Variants in IP6K3 observed in about 807,000 individuals in gnomAD.
The protein encoded by IP6K3 is ATP:1D-myo-inositol-hexakisphosphate phosphotransferase.
A neutral mutation model predicts 28.8 loss-of-function variants in IP6K3; 20 were observed. That is an observed-to-expected ratio of 0.70 (90% CI 0.49 to 1.01). The LOEUF (loss-of-function observed/expected upper bound fraction) is 1.01, where lower values mean the gene tolerates loss of function less well. IP6K3 is among the 50% of genes least tolerant of loss of function. IP6K3 has a pLI of 0.00. For missense variants in IP6K3, 480 were observed against 537.1 expected, an observed-to-expected ratio of 0.89 and a Z score of 1.05; for synonymous variants, 213 against 221.3, an observed-to-expected ratio of 0.96 and a Z score of 0.33.
At chr6:33,760,570 C>T in the IP6K3 span, among the ~76,000 whole-genome samples, 1 of 152,178 alleles carries the variant, frequency 6.6e-6, no homozygotes, top group Non-Finnish European at 1.5e-5. Flanking sequence ...GCTCTGTTGC[C>T]AGGCTGGAGA....
Position 33,722,774 on chromosome 6 carries a change from A to AAT in IP6K3, c.1177_1178dup (p.Gly395LeufsTer30). On this transcript the variant is annotated frameshift_variant, in exon 6 of 6. Transcript: ENST00000293756. LOFTEE classifies it high-confidence loss of function. ...TCCTGATGAGGTTTTCCAGGCCAAA[A>AAT]ATATAGCCAGGGTCTGGTCCATCGT... 1.2e-6 allele frequency: 2 copies of AAT among 1,613,792 alleles called. No individual in the cohort carries two copies. The highest frequency in any genetic ancestry group is 1.7e-6 in the Non-Finnish European group (2 of 1,179,922).
At chr6:33,750,324 G>A (rs1027685760), upstream of IP6K3, among the ~76,000 whole-genome samples, 2 of 152,142 alleles carry the variant, frequency 1.3e-5, no homozygotes, top group East Asian at 3.9e-4. This position sits in a 1 kb window ranked among gnomAD's most constrained non-coding sequence, Gnocchi z 4.3. Flanking sequence ...ATACTCTTCA[G>A]TGGCTCCATC....
chr6:33,755,517 G>A, the IP6K3 span, among the ~76,000 whole-genome samples: 40 of 152,260 alleles, frequency 2.6e-4, no homozygotes, highest in Non-Finnish European at 5.1e-4. Flanking sequence ...AAGGTGGCCA[G>A]AGAGCAAATA....
the IP6K3 span, among the ~76,000 whole-genome samples, chr6:33,756,485 T>C: frequency 6.6e-6 from 1 of 152,018 alleles, no homozygotes; most frequent in Admixed American, 6.5e-5. Context: ...TGTGTGTGTG[T>C]GTGTGAGAGA....
intron 2 of IP6K3, among the ~76,000 whole-genome samples, chr6:33,734,438 G>A (rs562198301): frequency 6.6e-6 from 1 of 152,276 alleles, no homozygotes; most frequent in African/African-American, 2.4e-5. Flanking sequence ...TGACTTATTT[G>A]GATATTATTG....
chr6:33,753,835 G>T, the IP6K3 span, among the ~76,000 whole-genome samples: 1 of 151,788 alleles, frequency 6.6e-6, no homozygotes, highest in South Asian at 2.1e-4. Flanking sequence ...TTGAGACAGA[G>T]TCTCGCTGTG....
chr6:33,749,431 A>G (rs1766990713), upstream of IP6K3, among the ~76,000 whole-genome samples: 1 of 151,810 alleles, frequency 6.6e-6, no homozygotes, highest in Non-Finnish European at 1.5e-5. Context: ...TTCCAACTTC[A>G]GCCAATTTCT....
intron 3 of IP6K3, chr6:33,727,847 A>T: frequency 2.0e-6 from 2 of 985,412 alleles, no homozygotes; most frequent in Non-Finnish European, 2.4e-6. Flanking sequence ...TCAGTAGACA[A>T]CTCTGCCTGT....
At position 33,728,116 on chromosome 6, in the gene IP6K3, A is replaced by C; in HGVS notation, c.384T>G (p.His128Gln). 1.2e-6 allele frequency: 2 copies of C among 1,607,254 alleles called. No homozygotes were observed. The highest frequency in any genetic ancestry group is 1.7e-6 in the Non-Finnish European group (2 of 1,179,906). ...CCTTGGGTGAGCGTGCCAGCTGGGC[A>C]TGCGGCCACTGGGCAAGGGTGCAGT... Reference protein sequence around the residue: ...GSDCTLAQWPHAQLARSPKES... With the variant: ...GSDCTLAQWPQAQLARSPKES... Residue 128 changes from histidine to glutamine, a missense_variant, in exon 3 of 6, where the codon CAT (histidine) becomes CAG (glutamine). By Grantham distance (24) the His-to-Gln change is conservative. Coordinates refer to ENST00000293756, the MANE Select transcript of IP6K3 (RefSeq NM_054111.5).
At position 33,746,406 on chromosome 6, in the gene IP6K3, C is replaced by G. The variant is rs566655467; in HGVS notation, c.-180+352G>C. Among the ~76,000 whole-genome samples the G allele has an allele frequency of 2.3e-3, 344 of 152,306 alleles. No individual in the cohort carries two copies. Among genetic ancestry groups the G allele is most frequent in the African/African-American group, 7.9e-3 (328 of 41,556 alleles). Reference sequence around the variant, plus strand: ...AGCCCCCGGTACTTGCCCCTCCCCCCAGCTTCCTCTGTAGTCCCAGTCCAC... The same window carrying G: ...AGCCCCCGGTACTTGCCCCTCCCCCGAGCTTCCTCTGTAGTCCCAGTCCAC... On this transcript the variant is annotated intron_variant, in intron 1 of 5. Coordinates refer to ENST00000293756, the MANE Select transcript of IP6K3 (RefSeq NM_054111.5). The surrounding 1 kb of genome is among the most constrained non-coding windows in gnomAD (Gnocchi z 6.5).
intron 4 of IP6K3, 131 bp downstream of exon 4, chr6:33,726,600 C>G: frequency 1.1e-6 from 1 of 932,832 alleles, no homozygotes; most frequent in Non-Finnish European, 1.6e-6. Flanking sequence ...AGCTATCCCT[C>G]ACATCTGTCT....
In IP6K3 at chr6:33,722,115, C is replaced by CT. The variant is rs1217479846; in HGVS notation, c.*604dup. On this transcript the variant is annotated 3_prime_UTR_variant, in exon 6 of 6. Coordinates refer to ENST00000293756, the MANE Select transcript of IP6K3 (RefSeq NM_054111.5). ...CAGGCAAAAATGGAGAATCTGGGGT[C>CT]TTGCTTTGCCAGAGCTCATGCCTGG... 2.0e-5 allele frequency: 3 copies of CT among 152,202 alleles called. No individual in the cohort carries two copies. Among genetic ancestry groups the CT allele is most frequent in the African/African-American group, 7.2e-5 (3 of 41,438 alleles). 9.4% of individuals were successfully genotyped at this position (152,202 alleles called of 1,614,324 possible). A position where few individuals can be genotyped will look rare whatever the true frequency, so the allele number is the denominator to read the frequency against.
chr6:33,751,981 C>T, the IP6K3 span, among the ~76,000 whole-genome samples: 1 of 152,208 alleles, frequency 6.6e-6, no homozygotes, highest in African/African-American at 2.4e-5. This position sits in a 1 kb window ranked among gnomAD's most constrained non-coding sequence, Gnocchi z 4.3. Flanking sequence ...CATTCATCCA[C>T]ATCCCCCCAG....
At position 33,725,566 on chromosome 6, in the gene IP6K3, G is replaced by T; in HGVS notation, c.640C>A (p.Leu214Met). The T allele has an allele frequency of 6.2e-7, 1 of 1,614,166 alleles. No individual in the cohort carries two copies. Among genetic ancestry groups the T allele is most frequent in the Non-Finnish European group, 8.5e-7 (1 of 1,180,034 alleles). ...TGCCGGGTCCCCATCTTCAGATCCA[G>T]GACACAGGGATGCGTGTACTGTGAC... Reference protein sequence around the residue: ...VVSQYTHPCVLDLKMGTRQHG... With the variant: ...VVSQYTHPCVMDLKMGTRQHG... Residue 214 changes from leucine to methionine, a missense_variant, in exon 5 of 6, where the codon CTG becomes ATG. By Grantham distance (15) the Leu-to-Met change is conservative. Coordinates refer to ENST00000293756, the MANE Select transcript of IP6K3 (RefSeq NM_054111.5).
the IP6K3 span, among the ~76,000 whole-genome samples, chr6:33,756,565 T>C: frequency 6.6e-6 from 1 of 152,252 alleles, no homozygotes; most frequent in African/African-American, 2.4e-5. Context: ...AAACAATCTG[T>C]GAAGCTCAGT....
At chr6:33,760,084 C>G in the IP6K3 span, among the ~76,000 whole-genome samples, 1 of 152,206 alleles carries the variant, frequency 6.6e-6, no homozygotes, top group Non-Finnish European at 1.5e-5. Context: ...AAAACTAATC[C>G]GCACTAAGGG....
rs756520000 is a variant in IP6K3 at position 33,722,849 on chromosome 6, A to ATACCACATAC, written c.1103_1104insGTATGTGGTA (p.Ile368MetfsTer5). 7.5e-4 allele frequency: 1,209 copies of ATACCACATAC among 1,614,172 alleles called. No homozygotes were observed. Among genetic ancestry groups the ATACCACATAC allele is most frequent in the Admixed American group, 9.8e-4 (59 of 60,032 alleles). Reference sequence around the variant, plus strand: ...CCTTGTATGTGGTATGAGCAAAGTCAATCATGCGGATGTCAACCTTGGTGA... The same window carrying ATACCACATAC: ...CCTTGTATGTGGTATGAGCAAAGTCATACCACATACATCATGCGGATGTCAACCTTGGTGA... On this transcript the variant is annotated frameshift_variant, in exon 6 of 6. Coordinates refer to ENST00000293756, the MANE Select transcript of IP6K3 (RefSeq NM_054111.5). LOFTEE classifies it high-confidence loss of function.
chr6:33,744,036 A>G lies in IP6K3; in HGVS notation c.-180+2722T>C, dbSNP rs968000704. ...GTCAAGGTGGGAGAAACATGGGGGC[A>G]AGATGACTCACGAAGTCAAGTGCCA... On this transcript the variant is annotated intron_variant, in intron 1 of 5. Coordinates refer to ENST00000293756, the MANE Select transcript of IP6K3 (RefSeq NM_054111.5). The surrounding 1 kb of genome is among the most constrained non-coding windows in gnomAD (Gnocchi z 4.4). Among the ~76,000 whole-genome samples, 3 of 152,154 alleles carry G rather than the reference A, an allele frequency of 2.0e-5. No individual in the cohort carries two copies. The highest frequency in any genetic ancestry group is 7.2e-5 in the African/African-American group (3 of 41,426).
intron 2 of IP6K3, among the ~76,000 whole-genome samples, chr6:33,729,380 C>T (rs1484566300): frequency 1.3e-5 from 2 of 152,236 alleles, no homozygotes; most frequent in Admixed American, 6.5e-5. Context: ...CTGCCCTCAG[C>T]AGCCCACTCT....
Sources: allele counts gnomAD v4.1 joint callset (sites outside exome capture counted in the v4.1 genomes callset), GRCh38; gene constraint gnomAD v4.1.1; non-coding constraint Gnocchi (gnomAD v3.1); transcripts MANE v1.5; gene names NCBI Gene and HGNC (gene_info 2026-07-23, HGNC 2026-07-21).